The following SYT2 variants were observed in gnomAD, a reference collection of about 807,000 sequenced individuals.
SYT2 encodes synaptotagmin-2.
SYT2 carries 15 observed loss-of-function variants against 39.9 expected under a neutral mutation model. The ratio of observed to expected loss-of-function variants is 0.38; its 90% CI spans 0.25 to 0.58. The LOEUF is 0.58. SYT2 is among the 20% of genes least tolerant of loss of function. The pLI is 0.70. For missense variants in SYT2, 389 were observed against 530.3 expected (o/e 0.73, Z 2.62); for synonymous variants, 181 against 204.5 (o/e 0.89, Z 0.98).
At chr1:202,666,832 A>G (rs1692489097) in intron 1 of SYT2, among the ~76,000 whole-genome samples, 1 of 152,206 alleles carries the variant, frequency 6.6e-6, no homozygotes, top group South Asian at 2.1e-4. Flanking sequence ...AAATACAAAA[A>G]TTAGCCGGGT....
At chr1:202,678,868 G>A (rs1221084554) in intron 1 of SYT2, among the ~76,000 whole-genome samples, 1 of 152,078 alleles carries the variant, frequency 6.6e-6, no homozygotes, top group African/African-American at 2.4e-5. Context: ...GCCACGTTCA[G>A]AGTCTCCACC....
Position 202,604,278 on chromosome 1 carries a change from C to T in SYT2, c.345+177G>A, listed in dbSNP as rs12037647. On this transcript the variant is annotated intron_variant, in intron 3 of 8. Coordinates refer to ENST00000367268, the MANE Select transcript of SYT2 (RefSeq NM_177402.5). The stretch of plus-strand genomic sequence containing the variant: ...TGCTAACACAGGAATAAGGCCCCCC[C>T]CTCCCAGGGGCCTCCAGGTAGACGG... 0.11 allele frequency: 69,112 copies of T among 651,804 alleles called. 6,714 individuals carry two copies. Among genetic ancestry groups the T allele is most frequent in the East Asian group, 0.41 (16,087 of 39,284 alleles). 40.4% of individuals were successfully genotyped at this position (651,804 alleles called of 1,614,324 possible). A position where few individuals can be genotyped will look rare whatever the true frequency, so the allele number is the denominator to read the frequency against.
chr1:202,625,928 G>A (rs1423084674), intron 1 of SYT2, among the ~76,000 whole-genome samples: 1 of 152,216 alleles, frequency 6.6e-6, no homozygotes, highest in Admixed American at 6.5e-5. Flanking sequence ...GAGAATGCCA[G>A]AAAGGCTGTG....
At position 202,604,508 on chromosome 1, in the gene SYT2, TCTC is replaced by T. The variant is rs1393433407; in HGVS notation, c.289_291del (p.Glu97del). On this transcript the variant is annotated inframe_deletion, in exon 3 of 9. Coordinates refer to ENST00000367268, the MANE Select transcript of SYT2 (RefSeq NM_177402.5). ...ATGGCATTCTTCATGCCTTTGCCCTTCTCCTTCTTGTTCTTCTTCTTCTTGCAG... is the reference window on the plus strand; with the variant it reads ...ATGGCATTCTTCATGCCTTTGCCCTTCTTCTTGTTCTTCTTCTTCTTGCAG... 3.1e-6 allele frequency: 5 copies of T among 1,614,184 alleles called. No homozygotes were observed. The highest frequency in any genetic ancestry group is 4.2e-6 in the Non-Finnish European group (5 of 1,180,042).
chr1:202,630,117 A>AGGGGCAGGCAGGGGCTGGGAG (rs1332744598), intron 1 of SYT2, among the ~76,000 whole-genome samples: 2 of 151,904 alleles, frequency 1.3e-5, no homozygotes, highest in Non-Finnish European at 2.9e-5. Flanking sequence ...GTTACACTGG[A>AGGGGCAGGCAGGGGCTGGGAG]GGGGCAGGCA....
chr1:202,636,296 G>T, intron 1 of SYT2: 1 of 901,916 alleles, frequency 1.1e-6, no homozygotes, highest in Non-Finnish European at 1.3e-6. Context: ...GCCTCACTGG[G>T]AGAGCAGTCC....
chr1:202,639,442 G>C (rs1303263007), intron 1 of SYT2: 1 of 956,900 alleles, frequency 1.0e-6, no homozygotes, highest in East Asian at 1.2e-4. Flanking sequence ...CTCCCCCTAA[G>C]CCTCAGTTTC....
At chr1:202,625,301 GTGTC>G (rs1312928587) in intron 1 of SYT2, among the ~76,000 whole-genome samples, 2 of 82,060 alleles carry the variant, frequency 2.4e-5, no homozygotes, top group African/African-American at 1.2e-4. Context: ...GGTGTGTGCT[GTGTC>G]TGTGTGGTGT....
chr1:202,696,542 T>G (rs191374121), intron 1 of SYT2, among the ~76,000 whole-genome samples: 2 of 152,262 alleles, frequency 1.3e-5, no homozygotes, highest in Non-Finnish European at 2.9e-5. Context: ...TCCCTCTGCC[T>G]GTAAGAGGCA....
intron 1 of SYT2, among the ~76,000 whole-genome samples, chr1:202,655,734 G>A (rs1367943409): frequency 6.6e-6 from 1 of 152,192 alleles, no homozygotes; most frequent in Non-Finnish European, 1.5e-5. Context: ...ATGCGCTTGC[G>A]AGGCTGAGGG....
At chr1:202,637,711 G>A (rs1041105243) in intron 1 of SYT2, among the ~76,000 whole-genome samples, 1 of 152,272 alleles carries the variant, frequency 6.6e-6, no homozygotes, top group Non-Finnish European at 1.5e-5. Context: ...GCTGGGCTGA[G>A]GCCAGGCCAA....
chr1:202,669,233 C>G (rs1692537029), intron 1 of SYT2, among the ~76,000 whole-genome samples: 1 of 152,130 alleles, frequency 6.6e-6, no homozygotes. Context: ...TAATTTTTAT[C>G]TTTAGCACAG....
intron 1 of SYT2, among the ~76,000 whole-genome samples, chr1:202,640,881 C>T (rs949513984): frequency 6.6e-6 from 1 of 152,130 alleles, no homozygotes; most frequent in Non-Finnish European, 1.5e-5. Flanking sequence ...AGGAAGATCA[C>T]ACTGCAAGTC....
intron 1 of SYT2, among the ~76,000 whole-genome samples, chr1:202,663,138 G>C (rs1692416172): frequency 6.6e-6 from 1 of 152,198 alleles, no homozygotes; most frequent in Admixed American, 6.5e-5. Flanking sequence ...GCCCAACACA[G>C]GGGAGGCCCT....
chr1:202,699,444 G>A (rs531173979), intron 1 of SYT2, among the ~76,000 whole-genome samples: 8 of 152,318 alleles, frequency 5.3e-5, no homozygotes, highest in Non-Finnish European at 7.3e-5. Flanking sequence ...TCTCTGCAGT[G>A]TGCAGCATGA....
At chr1:202,697,279 G>T (rs1474158727) in intron 1 of SYT2, among the ~76,000 whole-genome samples, 1 of 152,252 alleles carries the variant, frequency 6.6e-6, no homozygotes, top group Non-Finnish European at 1.5e-5. Flanking sequence ...CCGGTAAGTG[G>T]CGTGTGGACC....
chr1:202,663,946 C>T (rs567087229), intron 1 of SYT2, among the ~76,000 whole-genome samples: 9 of 152,120 alleles, frequency 5.9e-5, no homozygotes, highest in Non-Finnish European at 4.4e-5. Flanking sequence ...GTAAGGTCAG[C>T]CAAGTTACAA....
At chr1:202,644,905 C>T (rs1692047526) in intron 1 of SYT2, among the ~76,000 whole-genome samples, 1 of 152,186 alleles carries the variant, frequency 6.6e-6, no homozygotes, top group African/African-American at 2.4e-5. Flanking sequence ...CTGCAGCACC[C>T]GCTGCTCCTG....
chr1:202,593,618 CA>C lies in SYT2; in HGVS notation c.*3138del, dbSNP rs946334561. On this transcript the variant is annotated 3_prime_UTR_variant, in exon 9 of 9. Transcript: ENST00000367268. ...TGCCTACTGTCTGAGATTGCCCCAG[CA>C]TTCCTTACCCAGCCTTCCCCAGGCC... 29 of 152,260 alleles carry C rather than the reference CA, an allele frequency of 1.9e-4. No individual in the cohort carries two copies. Among genetic ancestry groups the C allele is most frequent in the African/African-American group, 6.5e-4 (27 of 41,416 alleles). 9.4% of individuals were successfully genotyped at this position (152,260 alleles called of 1,614,324 possible).
Sources: allele counts gnomAD v4.1 joint callset (sites outside exome capture counted in the v4.1 genomes callset), GRCh38; gene constraint gnomAD v4.1.1; transcripts MANE v1.5; gene names NCBI Gene and HGNC (gene_info 2026-07-23, HGNC 2026-07-21).